The following FOSL2 variants were observed in gnomAD, a reference collection of about 807,000 sequenced individuals.
The protein encoded by FOSL2 is FOS like 2, AP-1 transcription factor subunit, also known as fos-related antigen 2.
A neutral mutation model predicts 27.7 loss-of-function variants in FOSL2; 3 were observed. That is an observed-to-expected ratio of 0.11 (90% confidence interval 0.05 to 0.28). The LOEUF is 0.28. Ranked by LOEUF, FOSL2 falls within the 10% of genes least tolerant of loss-of-function variation. The probability of loss-of-function intolerance (pLI) is 1.00; values close to 1 mark genes in which losing one functional copy is unlikely to be tolerated. For synonymous variants in FOSL2, 179 were observed against 190.1 expected (o/e 0.94, Z 0.48); for missense variants, 333 against 445.1 (o/e 0.75, Z 2.27).
chr2:28,400,894 A>G (rs988493646), intron 1 of FOSL2, among the ~76,000 whole-genome samples: 2 of 152,172 alleles, frequency 1.3e-5, no homozygotes, highest in African/African-American at 2.4e-5. Flanking sequence ...GGGTTCCCCA[A>G]GCCTAAAACG....
chr2:28,409,896 A>G (rs1241491061), intron 3 of FOSL2, among the ~76,000 whole-genome samples: 5 of 152,174 alleles, frequency 3.3e-5, no homozygotes, highest in Non-Finnish European at 7.4e-5. Context: ...GCCTGCCACC[A>G]TGCCCGGCTA....
Position 28,393,908 on chromosome 2 carries a change from T to G in FOSL2, c.102+86T>G, listed in dbSNP as rs891039270. 4.1e-6 allele frequency: 4 copies of G among 965,400 alleles called. No homozygotes were observed. In the African/African-American group the frequency reaches 5.1e-5, roughly 12 times the overall value. The allele number at this position is 965,400 out of a possible 1,614,324, so 59.8% of individuals were successfully genotyped here. A position where few individuals can be genotyped will look rare whatever the true frequency, so the allele number is the denominator to read the frequency against. On this transcript the variant is annotated intron_variant, in intron 1 of 3. Transcript: ENST00000264716. This position sits in a 1 kb window ranked among gnomAD's most constrained non-coding sequence, Gnocchi z 4.6. ...CACTGCCTCTTTTGCTTTCTTTTCT[T>G]TTTCTTGGCGAGAAAATACCTACGG...
chr2:28,409,590 G>T (rs1467492519), intron 3 of FOSL2, among the ~76,000 whole-genome samples: 3 of 152,122 alleles, frequency 2.0e-5, no homozygotes, highest in Admixed American at 6.5e-5. Context: ...TGCAGGAAGG[G>T]CCGTGTGCTG....
At position 28,412,252 on chromosome 2, in the gene FOSL2, A is replaced by G; in HGVS notation, c.785A>G (p.His262Arg). Reference protein sequence around the residue: ...AGGFYGEEPLHTPIVVTSTPA... With the variant: ...AGGFYGEEPLRTPIVVTSTPA... The stretch of plus-strand genomic sequence containing the variant: ...GGCTTCTACGGTGAGGAGCCCCTGC[A>G]CACCCCCATCGTGGTGACCTCCACA... The change falls in exon 4 of 4, where the codon CAC becomes CGC. Residue 262 changes from histidine (H) to arginine (R), a missense_variant. His to Arg is a conservative substitution (Grantham distance 29). Coordinates refer to ENST00000264716, the MANE Select transcript of FOSL2 (RefSeq NM_005253.4). This position sits in a 1 kb window ranked among gnomAD's most constrained non-coding sequence, Gnocchi z 7.1. 3.1e-6 allele frequency: 5 copies of G among 1,613,548 alleles called. No individual in the cohort carries two copies. Among genetic ancestry groups the G allele is most frequent in the Non-Finnish European group, 4.2e-6 (5 of 1,179,896 alleles).
intron 1 of FOSL2, among the ~76,000 whole-genome samples, chr2:28,397,329 C>T (rs1289652598): frequency 6.6e-6 from 1 of 151,684 alleles, no homozygotes; most frequent in Middle Eastern, 3.2e-3. Flanking sequence ...TTCCTATGTG[C>T]TTATATTAGG....
At chr2:28,400,258 T>G (rs1456198772) in intron 1 of FOSL2, among the ~76,000 whole-genome samples, 1 of 152,160 alleles carries the variant, frequency 6.6e-6, no homozygotes, top group Non-Finnish European at 1.5e-5. Context: ...GCTGAGCAGC[T>G]CTATCTTGGT....
At chr2:28,399,186 T>C (rs1199323032) in intron 1 of FOSL2, among the ~76,000 whole-genome samples, 2 of 152,126 alleles carry the variant, frequency 1.3e-5, no homozygotes, top group Non-Finnish European at 2.9e-5. Flanking sequence ...CAAAAATCTA[T>C]CTGATGGAGA....
In FOSL2 at chr2:28,392,941, A is replaced by G. The variant is rs1422473928; in HGVS notation, c.-780A>G. 1.0e-5 allele frequency: 7 copies of G among 700,326 alleles called. No homozygotes were observed. Among genetic ancestry groups the G allele is most frequent in the Non-Finnish European group, 8.0e-6 (3 of 376,994 alleles). The allele number at this position is 700,326 out of a possible 1,614,324, so 43.4% of individuals were successfully genotyped here. ...CGAGCGGCGCTCGGCGGGGACAGAAAGAGGGAGAGAGAGAGAGAGAGAGAG... is the reference window on the plus strand; with the variant it reads ...CGAGCGGCGCTCGGCGGGGACAGAAGGAGGGAGAGAGAGAGAGAGAGAGAG... On this transcript the variant is annotated 5_prime_UTR_variant, in exon 1 of 4. Coordinates refer to ENST00000264716, the MANE Select transcript of FOSL2 (RefSeq NM_005253.4).
chr2:28,400,124 G>A (rs1441864004), intron 1 of FOSL2, among the ~76,000 whole-genome samples: 1 of 152,182 alleles, frequency 6.6e-6, no homozygotes, highest in African/African-American at 2.4e-5. Context: ...TCCTTGAGGA[G>A]GACATGTTGG....
Position 28,416,326 on chromosome 2 carries a change from T to C in FOSL2, c.*3878T>C, listed in dbSNP as rs1180493083. ...GCTGGATCAAATTTTGAGAGGGTTA[T>C]GGGAAAGGGAGGGGGAGAAGAAATT... On this transcript the variant is annotated 3_prime_UTR_variant, in exon 4 of 4. Transcript: ENST00000264716. The C allele has an allele frequency of 6.6e-6, 1 of 152,130 alleles. No homozygotes were observed. The highest frequency in any genetic ancestry group is 2.4e-5 in the African/African-American group (1 of 41,406). The allele number at this position is 152,130 out of a possible 1,614,324, so 9.4% of individuals were successfully genotyped here. A position where few individuals can be genotyped will look rare whatever the true frequency, so the allele number is the denominator to read the frequency against.
chr2:28,396,959 C>T (rs1378218032), intron 1 of FOSL2: 1 of 152,116 alleles, frequency 6.6e-6, no homozygotes, highest in African/African-American at 2.4e-5. Context: ...CTCTAGTGCC[C>T]TCTACGGGAA....
rs1318792400 is a variant in FOSL2, at chr2:28,414,659, T to C, written c.*2211T>C. On this transcript the variant is annotated 3_prime_UTR_variant, in exon 4 of 4. Transcript: ENST00000264716. ...ATATTTCTTAAATGAAGCTGCTTTC[T>C]TGTCTTTTATTTCTAAAAGCCCCCT... 3 of 152,256 alleles carry C rather than the reference T, an allele frequency of 2.0e-5. No homozygotes were observed. Among genetic ancestry groups the C allele is most frequent in the Non-Finnish European group, 4.4e-5 (3 of 68,042 alleles). 9.4% of individuals were successfully genotyped at this position (152,256 alleles called of 1,614,324 possible).
rs1012227670 is a variant in FOSL2, at chr2:28,415,802, A to G, written c.*3354A>G. 10 of 152,178 alleles carry G rather than the reference A, an allele frequency of 6.6e-5. No individual in the cohort carries two copies. Among genetic ancestry groups the G allele is most frequent in the African/African-American group, 2.2e-4 (9 of 41,430 alleles). The allele number at this position is 152,178 out of a possible 1,614,324, so 9.4% of individuals were successfully genotyped here. ...TAAAAGGCCCCTAAGTAATGGATAA[A>G]CAGAAACACTTAGAGGTGAGAAGGT... On this transcript the variant is annotated 3_prime_UTR_variant, in exon 4 of 4. Coordinates refer to ENST00000264716, the MANE Select transcript of FOSL2 (RefSeq NM_005253.4).
chr2:28,399,355 G>T (rs557173500), intron 1 of FOSL2, among the ~76,000 whole-genome samples: 1 of 152,260 alleles, frequency 6.6e-6, no homozygotes, highest in South Asian at 2.1e-4. Flanking sequence ...AAAAGCCATG[G>T]GTTCATAGCT....
chr2:28,415,712 C>G lies in FOSL2; in HGVS notation c.*3264C>G, dbSNP rs1387979953. 2 of 152,222 alleles carry G rather than the reference C, an allele frequency of 1.3e-5. No homozygotes were observed. Among genetic ancestry groups the G allele is most frequent in the African/African-American group, 4.8e-5 (2 of 41,454 alleles). 9.4% of individuals were successfully genotyped at this position (152,222 alleles called of 1,614,324 possible). A position where few individuals can be genotyped will look rare whatever the true frequency, so the allele number is the denominator to read the frequency against. On this transcript the variant is annotated 3_prime_UTR_variant, in exon 4 of 4. Coordinates refer to ENST00000264716, the MANE Select transcript of FOSL2 (RefSeq NM_005253.4). Reference sequence around the variant, plus strand: ...GAATACACCTACGATGTGCCAGGCACTGTGTTAGGCGCTTTTATATAGATC... The same window carrying G: ...GAATACACCTACGATGTGCCAGGCAGTGTGTTAGGCGCTTTTATATAGATC...
Position 28,413,833 on chromosome 2 carries a change from G to T in FOSL2, c.*1385G>T. On this transcript the variant is annotated 3_prime_UTR_variant, in exon 4 of 4. Coordinates refer to ENST00000264716, the MANE Select transcript of FOSL2 (RefSeq NM_005253.4). ...TGTCGCTGTGGCTTGTGGCTCATGC[G>T]CCATTCCTGGTTGTCTGTTGAATCT... 1 of 398,916 alleles carries T rather than the reference G, an allele frequency of 2.5e-6. No individual in the cohort carries two copies. Among genetic ancestry groups the T allele is most frequent in the Admixed American group, 4.4e-5 (1 of 22,748 alleles). 24.7% of individuals were successfully genotyped at this position (398,916 alleles called of 1,614,324 possible).
chr2:28,412,028 C>T lies in FOSL2; in HGVS notation c.561C>T (p.His187=), dbSNP rs762587474. Residue 187 remains histidine, a synonymous_variant, in exon 4 of 4, where the codon CAC becomes CAT. Coordinates refer to ENST00000264716, the MANE Select transcript of FOSL2 (RefSeq NM_005253.4). This position sits in a 1 kb window ranked among gnomAD's most constrained non-coding sequence, Gnocchi z 7.1. The part of the protein sequence containing the change: ...KEKLEFMLVA[H]GPVCKISPEE... ...AGCTGGAGTTCATGTTGGTGGCTCA[C>T]GGCCCAGTGTGCAAGATTAGCCCCG... is the stretch of plus-strand genomic sequence containing the variant. 21 of 1,612,018 alleles carry T rather than the reference C, an allele frequency of 1.3e-5. No individual in the cohort carries two copies. In the Admixed American group the frequency reaches 1.3e-4, roughly 10 times the overall value.
rs1379212318 is a variant in FOSL2 at position 28,412,745 on chromosome 2, G to A, written c.*297G>A. 1 of 417,038 alleles carries A rather than the reference G, an allele frequency of 2.4e-6. No individual in the cohort carries two copies. The highest frequency in any genetic ancestry group is 2.0e-5 in the African/African-American group (1 of 51,010). 25.8% of individuals were successfully genotyped at this position (417,038 alleles called of 1,614,324 possible). A position where few individuals can be genotyped will look rare whatever the true frequency, so the allele number is the denominator to read the frequency against. On this transcript the variant is annotated 3_prime_UTR_variant, in exon 4 of 4. Transcript: ENST00000264716. This position sits in a 1 kb window ranked among gnomAD's most constrained non-coding sequence, Gnocchi z 7.1. ...TGGACATCTCTCTGGCTTCTGAAGA[G>A]CCTGAAGCTGGCCTGGACCATTCCT...
chr2:28,413,240 G>A lies in FOSL2; in HGVS notation c.*792G>A, dbSNP rs1317588513. The stretch of plus-strand genomic sequence containing the variant: ...GGGGCACAGGTTGGGTTTGCCAAAC[G>A]CCTAATTACCAGGCCAGGAAGCATG... On this transcript the variant is annotated 3_prime_UTR_variant, in exon 4 of 4. Transcript: ENST00000264716. 2.8e-6 allele frequency: 1 copy of A among 363,140 alleles called. No homozygotes were observed. Among genetic ancestry groups the A allele is most frequent in the East Asian group, 4.0e-5 (1 of 25,080 alleles). The allele number at this position is 363,140 out of a possible 1,614,324, so 22.5% of individuals were successfully genotyped here.
Sources: allele counts gnomAD v4.1 joint callset (sites outside exome capture counted in the v4.1 genomes callset), GRCh38; gene constraint gnomAD v4.1.1; non-coding constraint Gnocchi (gnomAD v3.1); transcripts MANE v1.5; gene names NCBI Gene and HGNC (gene_info 2026-07-23, HGNC 2026-07-21).